The following VSIG10L variants were observed in gnomAD, a reference collection of about 807,000 sequenced individuals.
VSIG10L encodes the protein V-set and immunoglobulin domain containing 10 like.
In VSIG10L, 63 loss-of-function variants were observed where a neutral mutation model predicts 67.3. The observed-to-expected ratio is 0.94, with a 90% CI of 0.76 to 1.15. VSIG10L has a LOEUF of 1.15. VSIG10L is among the 50% of genes most tolerant of loss of function. VSIG10L has a pLI of 0.00. For synonymous variants in VSIG10L, 499 were observed against 524.9 expected (o/e 0.95, Z 0.67); for missense variants, 1,050 against 1,177.5 (o/e 0.89, Z 1.58).
rs1468730759 is a variant in VSIG10L, at chr19:51,340,633, C to G, written c.989G>C (p.Gly330Ala). The G allele has an allele frequency of 5.9e-6, 9 of 1,534,152 alleles. No homozygotes were observed. Among genetic ancestry groups the G allele is most frequent in the Non-Finnish European group, 7.9e-6 (9 of 1,145,990 alleles). The change falls in exon 3 of 10, where the codon GGT (glycine) becomes GCT (alanine). Residue 330 changes from glycine (G) to alanine (A), a missense_variant. By Grantham distance (60) the Gly-to-Ala change is moderately conservative. Around this residue, in one of 3 missense-constraint regions of VSIG10L, gnomAD observed 511 missense variants for 557.9 expected, o/e 0.92. Transcript: ENST00000335624. This position sits in a 1 kb window ranked among gnomAD's most constrained non-coding sequence, Gnocchi z 6.3. ...CCGGCTCCAGCTCAGCTCCCCGCGACCTGGCCCCCACCCCAGGCAGCGCAG... is the reference window on the plus strand; with the variant it reads ...CCGGCTCCAGCTCAGCTCCCCGCGAGCTGGCCCCCACCCCAGGCAGCGCAG... ...LRLRCLGWGP[G>A]RGELSWSRDG...
Position 51,339,064 on chromosome 19 carries a change from G to C in VSIG10L, c.1553C>G (p.Pro518Arg). 7.5e-7 allele frequency: 1 copy of C among 1,336,782 alleles called. No homozygotes were observed. Among genetic ancestry groups the C allele is most frequent in the Non-Finnish European group, 9.7e-7 (1 of 1,035,738 alleles). 82.8% of individuals were successfully genotyped at this position (1,336,782 alleles called of 1,614,324 possible). Residue 518 changes from proline to arginine, a missense_variant, in exon 5 of 10, where the codon CCC (proline) becomes CGC (arginine). Coordinates refer to ENST00000335624, the MANE Select transcript of VSIG10L (RefSeq NM_001163922.3). ...CAGGGAGGCAGCAGGGGCCCCGCCGGGCCACGAGCAGCGGAAGCGGAGGCT... is the reference window on the plus strand; with the variant it reads ...CAGGGAGGCAGCAGGGGCCCCGCCGCGCCACGAGCAGCGGAAGCGGAGGCT... ...DRSLRFRCSWPGGAPAASLQF... is the reference protein window; with the variant it reads ...DRSLRFRCSWRGGAPAASLQF...
intron 9 of VSIG10L, 143 bp downstream of exon 9, chr19:51,333,648 A>C (rs1469985309): frequency 9.7e-7 from 1 of 1,026,028 alleles, no homozygotes; most frequent in East Asian, 3.0e-5. Flanking sequence ...ACTTTGATGC[A>C]TTTTTAAAAA....
intron 9 of VSIG10L, 44 bp downstream of exon 9, chr19:51,333,747 G>A: frequency 1.3e-6 from 2 of 1,499,494 alleles, no homozygotes; most frequent in South Asian, 1.3e-5. Flanking sequence ...AATACAAGAA[G>A]TTCCGCCCCG....
At chr19:51,338,481 A>G (rs1985543894) in intron 5 of VSIG10L, among the ~76,000 whole-genome samples, 1 of 152,072 alleles carries the variant, frequency 6.6e-6, no homozygotes, top group Admixed American at 6.5e-5. Flanking sequence ...CTTCTTTATT[A>G]TTATTATTAT....
chr19:51,340,647 C>T lies in VSIG10L; in HGVS notation c.975G>A (p.Leu325=), dbSNP rs1281686433. The T allele has an allele frequency of 1.3e-6, 2 of 1,532,824 alleles. No homozygotes were observed. Among genetic ancestry groups the T allele is most frequent in the Admixed American group, 2.0e-5 (1 of 50,810 alleles). 95.0% of individuals were successfully genotyped at this position (1,532,824 alleles called of 1,614,324 possible). A position where few individuals can be genotyped will look rare whatever the true frequency, so the allele number is the denominator to read the frequency against. ...GCTCCCCGCGACCTGGCCCCCACCC[C>T]AGGCAGCGCAGCCGGAGCTCGGCCG... ...EGAAELRLRC[L]GWGPGRGELS... Residue 325 remains leucine (L), a synonymous_variant, in exon 3 of 10, where the codon CTG becomes CTA. Coordinates refer to ENST00000335624, the MANE Select transcript of VSIG10L (RefSeq NM_001163922.3). The surrounding 1 kb of genome is among the most constrained non-coding windows in gnomAD (Gnocchi z 6.3).
chr19:51,335,763 T>A (rs1985464255), intron 7 of VSIG10L, among the ~76,000 whole-genome samples: 1 of 151,852 alleles, frequency 6.6e-6, no homozygotes, highest in Non-Finnish European at 1.5e-5. Context: ...TCAAAAAAAA[T>A]TAGCTGGGCG....
Position 51,340,585 on chromosome 19 carries a change from G to A in VSIG10L, c.1037C>T (p.Ala346Val). The A allele has an allele frequency of 2.0e-6, 3 of 1,535,210 alleles. No homozygotes were observed. Among genetic ancestry groups the A allele is most frequent in the Non-Finnish European group, 2.6e-6 (3 of 1,146,150 alleles). Residue 346 changes from alanine (A) to valine (V), a missense_variant, in exon 3 of 10, where the codon GCG (alanine) becomes GTG (valine). Around this residue, in one of 3 missense-constraint regions of VSIG10L, gnomAD observed 511 missense variants for 557.9 expected, o/e 0.92. Transcript: ENST00000335624. The surrounding 1 kb of genome is among the most constrained non-coding windows in gnomAD (Gnocchi z 6.3). Reference sequence around the variant, plus strand: ...GGGCGTCTCGGCTCCCTCCGATTCCGCCGCCTCCAGGGCGCGTCCGTCCCG... The same window carrying A: ...GGGCGTCTCGGCTCCCTCCGATTCCACCGCCTCCAGGGCGCGTCCGTCCCG... Reference protein sequence around the residue: ...WSRDGRALEAAESEGAETPRM... With the variant: ...WSRDGRALEAVESEGAETPRM...
Position 51,342,114 on chromosome 19 carries a change from G to T in VSIG10L, c.11C>A (p.Pro4Gln). The T allele has an allele frequency of 6.4e-7, 1 of 1,551,648 alleles. No homozygotes were observed. Among genetic ancestry groups the T allele is most frequent in the Non-Finnish European group, 8.7e-7 (1 of 1,146,984 alleles). Residue 4 changes from proline to glutamine, a missense_variant, in exon 1 of 10, where the codon CCA (proline) becomes CAA (glutamine). Physicochemically the swap from Pro to Gln is moderately conservative, Grantham distance 76 (BLOSUM62 -1). Coordinates refer to ENST00000335624, the MANE Select transcript of VSIG10L (RefSeq NM_001163922.3). The surrounding 1 kb of genome is among the most constrained non-coding windows in gnomAD (Gnocchi z 4.4). MDN[P>Q]QALPLFLLLA... ...GAGTAGGAAGAGTGGCAGAGCCTGT[G>T]GGTTGTCCATGGTGCTGGCCTCACT...
intron 5 of VSIG10L, among the ~76,000 whole-genome samples, chr19:51,338,591 G>A (rs935572483): frequency 6.6e-6 from 1 of 152,150 alleles, no homozygotes; most frequent in Non-Finnish European, 1.5e-5. Flanking sequence ...AGCTACCAAA[G>A]TGCTGCGATT....
At position 51,340,191 on chromosome 19, in the gene VSIG10L, CGCGAG is replaced by C; in HGVS notation, c.1293_1297del (p.Ser432AlafsTer70). On this transcript the variant is annotated frameshift_variant, in exon 4 of 10. Transcript: ENST00000335624. LOFTEE classifies it high-confidence loss of function. This position sits in a 1 kb window ranked among gnomAD's most constrained non-coding sequence, Gnocchi z 6.3. ...GCTCCACGTGATGTCGGCGGGCGGC[CGCGAG>C]GCGGCGGCGCAGCGCAAGGTCACGT... 3 of 1,447,256 alleles carry C rather than the reference CGCGAG, an allele frequency of 2.1e-6. No homozygotes were observed. The highest frequency in any genetic ancestry group is 2.7e-6 in the Non-Finnish European group (3 of 1,105,352). 89.7% of individuals were successfully genotyped at this position (1,447,256 alleles called of 1,614,324 possible). A position where few individuals can be genotyped will look rare whatever the true frequency, so the allele number is the denominator to read the frequency against.
In VSIG10L at chr19:51,340,362, C is replaced by G; in HGVS notation, c.1190-63G>C. 1 of 1,464,552 alleles carries G rather than the reference C, an allele frequency of 6.8e-7. No homozygotes were observed. The allele number at this position is 1,464,552 out of a possible 1,614,324, so 90.7% of individuals were successfully genotyped here. ...TCACCTGGGACGCCGCTAGGACTCC[C>G]GGAGACTGGGTCCCCAGCCCGCTTC... On this transcript the variant is annotated intron_variant, in intron 3 of 9. Transcript: ENST00000335624. The surrounding 1 kb of genome is among the most constrained non-coding windows in gnomAD (Gnocchi z 6.3).
chr19:51,337,592 C>T (rs1328643156), intron 6 of VSIG10L, 58 bp from the exon 7 acceptor site: 8 of 301,258 alleles, frequency 2.7e-5, no homozygotes, highest in Non-Finnish European at 2.9e-5. Context: ...GGGAAGGGGG[C>T]TGGGGGGCTG....
chr19:51,340,991 G>GT lies in VSIG10L; in HGVS notation c.895+161_895+162insA. 1 of 1,154,638 alleles carries GT rather than the reference G, an allele frequency of 8.7e-7. No homozygotes were observed. Among genetic ancestry groups the GT allele is most frequent in the Non-Finnish European group, 1.2e-6 (1 of 866,798 alleles). The allele number at this position is 1,154,638 out of a possible 1,614,324, so 71.5% of individuals were successfully genotyped here. A position where few individuals can be genotyped will look rare whatever the true frequency, so the allele number is the denominator to read the frequency against. ...GAGTCTCCATCCCAGGTCCACCTTT[G>GT]CTCAGACACCCCTGCCTTGACCTCT... On this transcript the variant is annotated intron_variant, in intron 2 of 9. Transcript: ENST00000335624. The surrounding 1 kb of genome is among the most constrained non-coding windows in gnomAD (Gnocchi z 6.3).
rs1207871334 is a variant in VSIG10L, at chr19:51,340,650, G to A, written c.972C>T (p.Cys324=). 3 of 1,532,600 alleles carry A rather than the reference G, an allele frequency of 2.0e-6. No homozygotes were observed. The highest frequency in any genetic ancestry group is 1.7e-6 in the Non-Finnish European group (2 of 1,145,040). 94.9% of individuals were successfully genotyped at this position (1,532,600 alleles called of 1,614,324 possible). A position where few individuals can be genotyped will look rare whatever the true frequency, so the allele number is the denominator to read the frequency against. The change falls in exon 3 of 10, where the codon TGC becomes TGT. Residue 324 remains cysteine (C), a synonymous_variant. Coordinates refer to ENST00000335624, the MANE Select transcript of VSIG10L (RefSeq NM_001163922.3). The surrounding 1 kb of genome is among the most constrained non-coding windows in gnomAD (Gnocchi z 6.3). ...CCCCGCGACCTGGCCCCCACCCCAG[G>A]CAGCGCAGCCGGAGCTCGGCCGCCC... The part of the protein sequence containing the change: ...EEGAAELRLR[C]LGWGPGRGEL...
intron 7 of VSIG10L, among the ~76,000 whole-genome samples, chr19:51,335,948 T>A (rs4802783): frequency 0.72 from 108,893 of 151,968 alleles, 39,802 homozygotes; most frequent in African/African-American, 0.86. Context: ...GATCTTAAGT[T>A]GGGCGCATCC....
In VSIG10L at chr19:51,337,442, C is replaced by T; in HGVS notation, c.2101G>A (p.Glu701Lys). 4 of 1,551,700 alleles carry T rather than the reference C, an allele frequency of 2.6e-6. No homozygotes were observed. Among genetic ancestry groups the T allele is most frequent in the South Asian group, 1.2e-5 (1 of 84,052 alleles). ...VERGALISSF[E>K]IQAWPDGPAL... Reference sequence around the variant, plus strand: ...GGCCCATCTGGCCATGCCTGGATCTCAAAACTGCTGATCAGGGCCCCGCGC... The same window carrying T: ...GGCCCATCTGGCCATGCCTGGATCTTAAAACTGCTGATCAGGGCCCCGCGC... The change falls in exon 7 of 10, where the codon GAG becomes AAG. Residue 701 changes from glutamate (E) to lysine (K), a missense_variant. Transcript: ENST00000335624.
In VSIG10L at chr19:51,333,800, C is replaced by G. The variant is rs1985412626; in HGVS notation, c.2565G>C (p.Arg855Ser). ...GGGCACCCACACTCACTTGGTAGGC[C>G]CTAGTTGAGCTGTGGTCCTCCAGAG... Reference protein sequence around the residue: ...KVPLEDHSSTRAYQAQTPVQL... With the variant: ...KVPLEDHSSTSAYQAQTPVQL... The change falls in exon 9 of 10, where the codon AGG (arginine) becomes AGC (serine). Residue 855 changes from arginine to serine, a missense_variant. This residue lies in a region of VSIG10L where 529 missense variants were observed against 584.9 expected (regional missense o/e 0.90). Coordinates refer to ENST00000335624, the MANE Select transcript of VSIG10L (RefSeq NM_001163922.3). The G allele has an allele frequency of 4.5e-6, 7 of 1,548,452 alleles. No individual in the cohort carries two copies. The East Asian group carries it at 1.7e-4, about 38-fold the overall frequency.
chr19:51,340,399 C>T lies in VSIG10L; in HGVS notation c.1189+34G>A, dbSNP rs914570103. The stretch of plus-strand genomic sequence containing the variant: ...CCCCAGCCCGCTTCTCCCCAAGGAC[C>T]CCCTGTCCCCGACCCGAGGCATCCC... On this transcript the variant is annotated intron_variant, in intron 3 of 9. Transcript: ENST00000335624. The surrounding 1 kb of genome is among the most constrained non-coding windows in gnomAD (Gnocchi z 6.3). 6.8e-6 allele frequency: 10 copies of T among 1,465,676 alleles called. No individual in the cohort carries two copies. The African/African-American group carries it at 1.4e-4, about 21-fold the overall frequency. 90.8% of individuals were successfully genotyped at this position (1,465,676 alleles called of 1,614,324 possible).
chr19:51,334,555 T>C (rs1342496691), intron 7 of VSIG10L, among the ~76,000 whole-genome samples: 1 of 152,216 alleles, frequency 6.6e-6, no homozygotes, highest in African/African-American at 2.4e-5. Context: ...ATATCTACCC[T>C]TATGGGGCTT....
Sources: gnomAD v4.1 joint callset for allele counts (sites outside exome capture counted in the v4.1 genomes callset) on GRCh38, gnomAD v4.1.1 for gene constraint, gnomAD v4.1.1 regional missense constraint, Gnocchi (gnomAD v3.1) non-coding constraint, MANE v1.5 for transcripts, NCBI Gene and HGNC (gene_info 2026-07-23, HGNC 2026-07-21) for gene names.